Variants in PCBP3 observed in about 807,000 individuals in gnomAD.
PCBP3 encodes poly(rC)-binding protein 3.
In PCBP3, 25 loss-of-function variants were observed where a neutral mutation model predicts 52.7. That is an observed-to-expected ratio of 0.47 (90% confidence interval 0.35 to 0.66). The LOEUF (loss-of-function observed/expected upper bound fraction) is 0.66. PCBP3 is among the 30% of genes least tolerant of loss of function. PCBP3 has a pLI of 0.01. For synonymous variants in PCBP3, 162 were observed against 183.0 expected (o/e 0.89, Z 0.93); for missense variants, 391 against 490.3 (o/e 0.80, Z 1.91).
chr21:45,818,454 C>T (rs920015060), intron 4 of PCBP3, among the ~76,000 whole-genome samples: 2 of 152,200 alleles, frequency 1.3e-5, no homozygotes, highest in Non-Finnish European at 2.9e-5. Context: ...TGCCCCCATG[C>T]GCTTCACGTA....
Position 45,930,811 on chromosome 21 carries a change from C to G in PCBP3, c.822C>G (p.Ser274=). The part of the protein sequence containing the change: ...FPGEKLPLHS[S]EEAQNLMGQS... ...GAGAAAAGCTGCCTTTACACTCCTC[C>G]GAAGAAGCTCAAAATCTGATGGGCC... The change falls in exon 15 of 18, where the codon TCC becomes TCG. Residue 274 remains serine (S), a synonymous_variant. Transcript: ENST00000681687. 6.5e-7 allele frequency: 1 copy of G among 1,549,296 alleles called. No homozygotes were observed. Among genetic ancestry groups the G allele is most frequent in the East Asian group, 2.2e-5 (1 of 44,604 alleles).
rs562394692 is a variant in PCBP3, at chr21:45,746,210, G to A, written c.-161-9207G>A. Reference sequence around the variant, plus strand: ...AGCATCACCGTGTCAGTCCATTGACGTAGCGCACACGGTGTTGTCAGCATC... The same window carrying A: ...AGCATCACCGTGTCAGTCCATTGACATAGCGCACACGGTGTTGTCAGCATC... On this transcript the variant is annotated intron_variant, in intron 3 of 17. Coordinates refer to ENST00000681687, the MANE Select transcript of PCBP3 (RefSeq NM_001384156.1). Among the ~76,000 whole-genome samples the A allele has an allele frequency of 2.5e-5, 3 of 122,430 alleles. No homozygotes were observed. In the East Asian group the frequency reaches 7.2e-4, roughly 29 times the overall value. 80.3% of individuals were successfully genotyped at this position (122,430 alleles called of 152,430 possible).
chr21:45,878,673 A>G (rs1388441264), intron 5 of PCBP3, among the ~76,000 whole-genome samples: 2 of 152,240 alleles, frequency 1.3e-5, no homozygotes. Context: ...CTTTGGAACT[A>G]ACTAGAACCA....
At chr21:45,810,761 T>C (rs1021035593) in intron 4 of PCBP3, among the ~76,000 whole-genome samples, 2 of 152,230 alleles carry the variant, frequency 1.3e-5, no homozygotes, top group Non-Finnish European at 2.9e-5. Context: ...GTTATGTCTC[T>C]ATGTGTTTGA....
intron 1 of PCBP3, among the ~76,000 whole-genome samples, chr21:45,661,459 A>G (rs1319092978): frequency 1.3e-5 from 2 of 152,200 alleles, no homozygotes; most frequent in Admixed American, 6.5e-5. Context: ...CTCCATTTCT[A>G]TCCATGTTGC....
intron 2 of PCBP3, among the ~76,000 whole-genome samples, chr21:45,734,559 C>A (rs1197794027): frequency 6.6e-6 from 1 of 152,242 alleles, no homozygotes; most frequent in African/African-American, 2.4e-5. Context: ...CCCCTTTCCT[C>A]TCTGCCTTTG....
chr21:45,764,012 A>G (rs1257263386), intron 4 of PCBP3, among the ~76,000 whole-genome samples: 5 of 151,900 alleles, frequency 3.3e-5, no homozygotes, highest in African/African-American at 9.7e-5. Flanking sequence ...ACATCTGCAG[A>G]AAAAAAATAG....
intron 13 of PCBP3, among the ~76,000 whole-genome samples, chr21:45,927,399 T>C (rs1378169688): frequency 1.2e-4 from 1 of 8,144 alleles, no homozygotes; most frequent in African/African-American, 4.1e-4. Context: ...CTCTCAGTGG[T>C]TTGGAGGTAC....
At chr21:45,752,701 T>TTG (rs2087634272) in intron 3 of PCBP3, 1 of 152,020 alleles carries the variant, frequency 6.6e-6, no homozygotes, top group Non-Finnish European at 1.5e-5. Flanking sequence ...ATCTCTGTGT[T>TTG]TGCAGTCAAA....
intron 1 of PCBP3, among the ~76,000 whole-genome samples, chr21:45,664,010 CT>C (rs1246518674): frequency 0.013 from 543 of 41,090 alleles, 2 homozygotes; most frequent in African/African-American, 0.034. Flanking sequence ...GGATGTTTTT[CT>C]TTTTTTTTCT....
At position 45,736,991 on chromosome 21, in the gene PCBP3, C is replaced by T. The variant is rs766838012; in HGVS notation, c.-162+1562C>T. ...CTGCGCGAGTCTTGCTGGAGGTGCA[C>T]GTGTGAGCCCCTTGGTGCAGGAGGT... On this transcript the variant is annotated intron_variant, in intron 3 of 17. Transcript: ENST00000681687. The surrounding 1 kb of genome is among the most constrained non-coding windows in gnomAD (Gnocchi z 4.6). Among the ~76,000 whole-genome samples, 17 of 152,168 alleles carry T rather than the reference C, an allele frequency of 1.1e-4. No homozygotes were observed. Among genetic ancestry groups the T allele is most frequent in the East Asian group, 1.9e-4 (1 of 5,160 alleles).
intron 3 of PCBP3, among the ~76,000 whole-genome samples, chr21:45,745,470 G>A (rs111471994): frequency 6.6e-6 from 1 of 152,202 alleles, no homozygotes; most frequent in East Asian, 1.9e-4. Context: ...TGTGGTTTCT[G>A]TCTCTTGCTA....
intron 12 of PCBP3, 156 bp downstream of exon 12, chr21:45,914,181 C>T: frequency 8.0e-7 from 1 of 1,251,920 alleles, no homozygotes; most frequent in South Asian, 1.5e-5. Context: ...CACCCAGCAC[C>T]AGGCGGACGC....
intron 5 of PCBP3, among the ~76,000 whole-genome samples, chr21:45,875,672 A>G (rs888444040): frequency 2.0e-5 from 3 of 152,194 alleles, no homozygotes. Context: ...AGCAGGACAG[A>G]TACTGTCTCT....
chr21:45,718,034 T>C (rs2084344900), intron 2 of PCBP3, among the ~76,000 whole-genome samples: 1 of 152,180 alleles, frequency 6.6e-6, no homozygotes. Context: ...GATTTCTCTT[T>C]TATCTAGAGT....
intron 14 of PCBP3, among the ~76,000 whole-genome samples, chr21:45,930,579 C>T (rs1158538735): frequency 1.3e-5 from 2 of 151,966 alleles, no homozygotes; most frequent in Admixed American, 6.6e-5. Context: ...GCAGAGGCAG[C>T]GCCATGCCTG....
At chr21:45,744,650 CATT>C (rs920269516) in intron 3 of PCBP3, among the ~76,000 whole-genome samples, 3 of 152,122 alleles carry the variant, frequency 2.0e-5, no homozygotes, top group African/African-American at 7.2e-5. Flanking sequence ...TTTTAGCATA[CATT>C]ATAATTATAA....
At chr21:45,776,065 T>C (rs1156382452) in intron 4 of PCBP3, among the ~76,000 whole-genome samples, 1 of 152,202 alleles carries the variant, frequency 6.6e-6, no homozygotes, top group Non-Finnish European at 1.5e-5. Context: ...ATTTTTTTTA[T>C]TTTCATTTTT....
chr21:45,646,103 C>G (rs79355520), intron 1 of PCBP3, among the ~76,000 whole-genome samples: 1,904 of 76,546 alleles, frequency 0.025, 16 homozygotes, highest in Non-Finnish European at 0.031. Context: ...CTCTCTCTCT[C>G]TCTCTGTGTG....
Sources: gnomAD v4.1 joint callset for allele counts (sites outside exome capture counted in the v4.1 genomes callset) on GRCh38, gnomAD v4.1.1 for gene constraint, Gnocchi (gnomAD v3.1) non-coding constraint, MANE v1.5 for transcripts, NCBI Gene and HGNC (gene_info 2026-07-23, HGNC 2026-07-21) for gene names.